CRAMP1: variants seen among roughly 807,000 people sequenced by gnomAD.
CRAMP1 encodes protein cramped-like.
In CRAMP1, 50 loss-of-function variants were observed where a neutral mutation model predicts 115.4. That is an observed-to-expected ratio of 0.43 (90% CI 0.35 to 0.55). The LOEUF (loss-of-function observed/expected upper bound fraction) is 0.55, where lower values mean the gene tolerates loss of function less well. Among genes scored for constraint, CRAMP1 ranks in the 20% least tolerant of loss-of-function variants. The pLI is 0.01. For synonymous variants in CRAMP1, 866 were observed against 745.4 expected, an observed-to-expected ratio of 1.16 and a Z score of -2.64; for missense variants, 1,679 against 1,721.7, an observed-to-expected ratio of 0.98 and a Z score of 0.44.
intron 4 of CRAMP1, among the ~76,000 whole-genome samples, chr16:1,635,053 C>T (rs1217654672): frequency 6.6e-6 from 1 of 152,152 alleles, no homozygotes; most frequent in Non-Finnish European, 1.5e-5. Context: ...TGTGCACCAC[C>T]ACACCCAGCT....
chr16:1,652,957 T>C, intron 7 of CRAMP1, 76 bp from the exon 8 acceptor site: 1 of 1,571,588 alleles, frequency 6.4e-7, no homozygotes, highest in African/African-American at 1.4e-5. Context: ...ATTTCACTGG[T>C]TTTTCTGGCC....
chr16:1,658,125 C>T (rs906660117), intron 10 of CRAMP1, among the ~76,000 whole-genome samples: 2 of 152,170 alleles, frequency 1.3e-5, no homozygotes, highest in African/African-American at 4.8e-5. Context: ...GGGCTTGCCC[C>T]GGAGAGTTGG....
chr16:1,651,323 G>A (rs1372114615), intron 6 of CRAMP1, among the ~76,000 whole-genome samples: 1 of 151,560 alleles, frequency 6.6e-6, no homozygotes, highest in African/African-American at 2.4e-5. Context: ...TCGACTGAGA[G>A]GTCACACAGA....
At chr16:1,622,356 A>C (rs2036472093) in intron 2 of CRAMP1, among the ~76,000 whole-genome samples, 1 of 152,182 alleles carries the variant, frequency 6.6e-6, no homozygotes, top group South Asian at 2.1e-4. Context: ...CTACTAAAGT[A>C]CAAAAAAATT....
At chr16:1,641,080 T>C in intron 5 of CRAMP1, 59 bp from the exon 6 acceptor site, 1 of 1,175,290 alleles carries the variant, frequency 8.5e-7, no homozygotes, top group Non-Finnish European at 1.3e-6. Context: ...ATGGGAATCT[T>C]CAGTGGCTTT....
intron 6 of CRAMP1, among the ~76,000 whole-genome samples, chr16:1,641,900 C>G (rs1011012949): frequency 6.7e-5 from 10 of 150,338 alleles, no homozygotes; most frequent in Middle Eastern, 3.4e-3. Context: ...ACTCTGGAGC[C>G]TGGGGGGGGG....
intron 2 of CRAMP1, among the ~76,000 whole-genome samples, chr16:1,622,882 A>G (rs529657067): frequency 2.0e-5 from 3 of 149,934 alleles, no homozygotes; most frequent in Non-Finnish European, 4.4e-5. Context: ...CTGTCTCAGT[A>G]TCTGGAGTAG....
chr16:1,659,999 T>C lies in CRAMP1; in HGVS notation c.2349T>C (p.Pro783=), dbSNP rs774752925. ...VTVSSRSPRC[P]RNQASLRSSK... is the part of the protein sequence containing the mutation. ...TCAGCTCTCGCAGCCCCCGCTGCCC[T>C]CGGAACCAGGCCTCCCTCCGCAGCA... The change falls in exon 11 of 21, where the codon CCT becomes CCC. Residue 783 remains proline (P), a synonymous_variant. Transcript: ENST00000397412. The C allele has an allele frequency of 1.9e-6, 3 of 1,604,860 alleles. No individual in the cohort carries two copies. The highest frequency in any genetic ancestry group is 2.5e-6 in the Non-Finnish European group (3 of 1,179,694).
intron 10 of CRAMP1, among the ~76,000 whole-genome samples, chr16:1,657,608 A>G (rs925424302): frequency 1.3e-5 from 2 of 152,206 alleles, no homozygotes; most frequent in African/African-American, 4.8e-5. Flanking sequence ...GTGCCGCAGC[A>G]GAATAGTGGA....
At chr16:1,620,520 C>T (rs2036457497) in intron 2 of CRAMP1, 1 of 424,402 alleles carries the variant, frequency 2.4e-6, no homozygotes, top group South Asian at 1.6e-5. Context: ...TTTTACTATT[C>T]CTAACCCTCT....
chr16:1,612,997 T>G (rs1161073231), intron 1 of CRAMP1, among the ~76,000 whole-genome samples: 1 of 151,972 alleles, frequency 6.6e-6, no homozygotes, highest in Non-Finnish European at 1.5e-5. Flanking sequence ...GGTCGGCGTC[T>G]TGGGTGTGGA....
chr16:1,623,301 G>T (rs1383659203), intron 2 of CRAMP1, among the ~76,000 whole-genome samples: 1 of 152,226 alleles, frequency 6.6e-6, no homozygotes, highest in Non-Finnish European at 1.5e-5. Flanking sequence ...CCTCATCAGA[G>T]CTGCCTTTAC....
rs138327472 is a variant in CRAMP1, at chr16:1,624,054, G to A, written c.347-1919G>A. ...GTGCTGGACATTCAGGTGCAGCACC[G>A]TCTGGTAGCTCTCTCTGCAACGATG... On this transcript the variant is annotated intron_variant, in intron 2 of 20. Transcript: ENST00000397412. Among the ~76,000 whole-genome samples, 1,073 of 152,306 alleles carry A rather than the reference G, an allele frequency of 7.0e-3. 8 individuals are homozygous for A. Among genetic ancestry groups the A allele is most frequent in the Middle Eastern group, 0.017 (5 of 294 alleles).
chr16:1,675,950 A>G lies in CRAMP1; in HGVS notation c.*1905A>G, dbSNP rs1003875045. ...GCATCTCATTGAGCCAGAGAAGACAAGGAGATCTCCCTCTGGGCATCTGGC... is the reference window on the plus strand; with the variant it reads ...GCATCTCATTGAGCCAGAGAAGACAGGGAGATCTCCCTCTGGGCATCTGGC... On this transcript the variant is annotated 3_prime_UTR_variant, in exon 21 of 21. Transcript: ENST00000397412. The G allele has an allele frequency of 6.6e-6, 1 of 152,222 alleles. No individual in the cohort carries two copies. The highest frequency in any genetic ancestry group is 2.4e-5 in the African/African-American group (1 of 41,454). The allele number at this position is 152,222 out of a possible 1,614,324, so 9.4% of individuals were successfully genotyped here.
chr16:1,644,154 C>T (rs1049846926), intron 6 of CRAMP1, among the ~76,000 whole-genome samples: 2 of 152,168 alleles, frequency 1.3e-5, no homozygotes, highest in African/African-American at 2.4e-5. Flanking sequence ...GAGGCCGCAG[C>T]GAGAGTGGGA....
intron 2 of CRAMP1, 130 bp from the exon 3 acceptor site, chr16:1,625,843 C>A (rs1439087053): frequency 3.3e-6 from 3 of 907,514 alleles, no homozygotes; most frequent in African/African-American, 3.4e-5. Flanking sequence ...GTGCTGCCTG[C>A]CAGCATCCTC....
chr16:1,674,428 G>A lies in CRAMP1; in HGVS notation c.*383G>A, dbSNP rs910008448. 1 of 228,866 alleles carries A rather than the reference G, an allele frequency of 4.4e-6. No homozygotes were observed. The highest frequency in any genetic ancestry group is 8.7e-6 in the Non-Finnish European group (1 of 114,358). 14.2% of individuals were successfully genotyped at this position (228,866 alleles called of 1,614,324 possible). On this transcript the variant is annotated 3_prime_UTR_variant, in exon 21 of 21. Coordinates refer to ENST00000397412, the MANE Select transcript of CRAMP1 (RefSeq NM_020825.4). ...CCTTGGTGTAGTTGCTGTGCACTAG[G>A]AGCTGTGATCTCCCTCTCTGCAGGG...
chr16:1,615,776 A>G (rs2036413636), intron 2 of CRAMP1, among the ~76,000 whole-genome samples: 1 of 152,108 alleles, frequency 6.6e-6, no homozygotes, highest in African/African-American at 2.4e-5. Flanking sequence ...CAGGTGAATG[A>G]CTCTGATTCT....
At chr16:1,667,815 T>A in intron 17 of CRAMP1, 147 bp from the exon 18 acceptor site, 1 of 617,590 alleles carries the variant, frequency 1.6e-6, no homozygotes, top group Non-Finnish European at 2.9e-6. Context: ...TCCCCGAGTG[T>A]GTTCCTGAGT....
Sources: allele counts gnomAD v4.1 joint callset (sites outside exome capture counted in the v4.1 genomes callset), GRCh38; gene constraint gnomAD v4.1.1; transcripts MANE v1.5; gene names NCBI Gene and HGNC (gene_info 2026-07-23, HGNC 2026-07-21).